Variants in CELSR2 observed in about 807,000 individuals in gnomAD.
CELSR2 encodes the protein EGF-like protein 2.
Under a neutral mutation model 251.6 loss-of-function variants are expected in CELSR2, and 81 were observed. The observed-to-expected ratio is 0.32, with a 90% CI of 0.27 to 0.39. CELSR2 has a LOEUF of 0.39. Ranked by LOEUF, CELSR2 falls within the 10% of genes least tolerant of loss-of-function variation. CELSR2 has a pLI of 1.00. For missense variants in CELSR2, 3,365 were observed against 3,947.7 expected (o/e 0.85, Z 3.96); for synonymous variants, 1,721 against 1,670.5 (o/e 1.03, Z -0.74).
At chr1:109,273,861 G>A in intron 33 of CELSR2, 161 bp from the exon 34 acceptor site, 2 of 1,135,612 alleles carry the variant, frequency 1.8e-6, no homozygotes, top group Non-Finnish European at 2.6e-6. Flanking sequence ...ACCCCTCCTA[G>A]GCTCTACGCG....
rs1428495064 is a variant in CELSR2 at position 109,267,885 on chromosome 1, A to G, written c.6143A>G (p.Asp2048Gly). 1.2e-6 allele frequency: 2 copies of G among 1,609,200 alleles called. No homozygotes were observed. Among genetic ancestry groups the G allele is most frequent in the African/African-American group, 1.3e-5 (1 of 74,904 alleles). The change falls in exon 17 of 34, where the codon GAC becomes GGC. Residue 2048 changes from aspartate to glycine, a missense_variant. By Grantham distance (94) the Asp-to-Gly change is moderately conservative. Coordinates refer to ENST00000271332, the MANE Select transcript of CELSR2 (RefSeq NM_001408.3). The stretch of plus-strand genomic sequence containing the variant: ...CTACAGCGGAATGAGTCAGGCCTAG[A>G]CTCAGGGCGCTCCCAGCAGCTAGCC... ...ERLQRNESGL[D>G]SGRSQQLALL...
chr1:109,262,169 A>G, intron 5 of CELSR2, 118 bp from the exon 6 acceptor site: 2 of 1,384,556 alleles, frequency 1.4e-6, no homozygotes, highest in Non-Finnish European at 9.9e-7. Context: ...GTGTATATGC[A>G]TGTGTGTACG....
At chr1:109,270,651 T>C in intron 24 of CELSR2, 51 bp downstream of exon 24, 3 of 1,590,222 alleles carry the variant, frequency 1.9e-6, no homozygotes, top group Non-Finnish European at 8.6e-7. Flanking sequence ...GGGTCCACCT[T>C]TGTGCCATGT....
Position 109,272,954 on chromosome 1 carries a change from C to T in CELSR2, c.8265C>T (p.Phe2755=), listed in dbSNP as rs1291806004. The part of the protein sequence containing the change: ...EEEEEEEEAA[F]PGEQGWDSLL... Reference sequence around the variant, plus strand: ...AGGAGGAGGAAGAGGAGGCCGCCTTCCCTGGAGAGCAGGGCTGGGATAGCC... The same window carrying T: ...AGGAGGAGGAAGAGGAGGCCGCCTTTCCTGGAGAGCAGGGCTGGGATAGCC... Residue 2755 remains phenylalanine, a synonymous_variant, in exon 31 of 34, where the codon TTC becomes TTT. Coordinates refer to ENST00000271332, the MANE Select transcript of CELSR2 (RefSeq NM_001408.3). 6.2e-7 allele frequency: 1 copy of T among 1,613,948 alleles called. No homozygotes were observed. Among genetic ancestry groups the T allele is most frequent in the African/African-American group, 1.3e-5 (1 of 74,938 alleles).
At chr1:109,255,130 C>G (rs1249375801) in intron 1 of CELSR2, among the ~76,000 whole-genome samples, 1 of 152,224 alleles carries the variant, frequency 6.6e-6, no homozygotes, top group East Asian at 1.9e-4. Context: ...CCCACCCTCT[C>G]CCTTCGGCCC....
chr1:109,265,225 C>T lies in CELSR2; in HGVS notation c.5641C>T (p.His1881Tyr), dbSNP rs536750848. Residue 1881 changes from histidine to tyrosine, a missense_variant, in exon 13 of 34, where the codon CAT becomes TAT. By Grantham distance (83) the His-to-Tyr change is moderately conservative (BLOSUM62 2). Coordinates refer to ENST00000271332, the MANE Select transcript of CELSR2 (RefSeq NM_001408.3). ...DQPCPRGWWG[H>Y]PTCGPCNCDV... ...GCCTTGTCCCCGTGGCTGGTGGGGACATCCCACATGTGGCCCATGCAACTG... is the reference window on the plus strand; with the variant it reads ...GCCTTGTCCCCGTGGCTGGTGGGGATATCCCACATGTGGCCCATGCAACTG... 9 of 1,611,746 alleles carry T rather than the reference C, an allele frequency of 5.6e-6. No individual in the cohort carries two copies. The African/African-American group carries it at 8.0e-5, about 14-fold the overall frequency.
Position 109,272,818 on chromosome 1 carries a change from T to C in CELSR2, c.8144-15T>C. The C allele has an allele frequency of 6.2e-7, 1 of 1,613,174 alleles. No homozygotes were observed. The highest frequency in any genetic ancestry group is 8.5e-7 in the Non-Finnish European group (1 of 1,179,358). ...AGGTGGCTGGGCTGGCTGTGATCTCTCCCTGGCCTCCTAGATCCTGACACG... is the reference window on the plus strand; with the variant it reads ...AGGTGGCTGGGCTGGCTGTGATCTCCCCCTGGCCTCCTAGATCCTGACACG... On this transcript the variant is annotated splice_polypyrimidine_tract_variant and intron_variant, in intron 30 of 33. Transcript: ENST00000271332.
chr1:109,258,355 T>G, intron 1 of CELSR2, 77 bp from the exon 2 acceptor site: 3 of 1,063,272 alleles, frequency 2.8e-6, no homozygotes, highest in Non-Finnish European at 4.0e-6. Context: ...AGGAGAGCCT[T>G]TCTTGGTGGG....
rs778270645 is a variant in CELSR2 at position 109,265,922 on chromosome 1, G to A, written c.5911+4G>A. ...GTCACCACCAATGGCTGTGAAGGTG[G>A]GGCTCCTGGGATGGGTGGGCAGCCC... On this transcript the variant is annotated splice_donor_region_variant and intron_variant, in intron 14 of 33. Coordinates refer to ENST00000271332, the MANE Select transcript of CELSR2 (RefSeq NM_001408.3). 3.1e-6 allele frequency: 5 copies of A among 1,608,828 alleles called. No individual in the cohort carries two copies. In the South Asian group the frequency reaches 5.5e-5, roughly 18 times the overall value.
chr1:109,261,681 C>A lies in CELSR2; in HGVS notation c.4297+53C>A. On this transcript the variant is annotated intron_variant, in intron 4 of 33. Transcript: ENST00000271332. This position sits in a 1 kb window ranked among gnomAD's most constrained non-coding sequence, Gnocchi z 4.8. ...CCATCTTCCAAAGGCCCCAAGTCTT[C>A]CAGCCCCTGACCCCAAGCCACATAC... is the stretch of plus-strand genomic sequence containing the variant. The A allele has an allele frequency of 6.4e-7, 1 of 1,573,576 alleles. No individual in the cohort carries two copies. Among genetic ancestry groups the A allele is most frequent in the Non-Finnish European group, 8.7e-7 (1 of 1,143,838 alleles).
rs1327784912 is a variant in CELSR2 at position 109,250,216 on chromosome 1, G to A, written c.137G>A (p.Gly46Asp). Residue 46 changes from glycine to aspartate, a missense_variant, in exon 1 of 34, where the codon GGC (glycine) becomes GAC (aspartate). By Grantham distance (94) the Gly-to-Asp change is moderately conservative. Coordinates refer to ENST00000271332, the MANE Select transcript of CELSR2 (RefSeq NM_001408.3). This position sits in a 1 kb window ranked among gnomAD's most constrained non-coding sequence, Gnocchi z 4.4. Reference protein sequence around the residue: ...PCRSLGSRGRGSSGACAPMGW... With the variant: ...PCRSLGSRGRDSSGACAPMGW... ...CGTTCCTTGGGGTCCAGGGGACGAG[G>A]CTCTTCGGGGGCCTGCGCCCCCATG... 1 of 1,601,226 alleles carries A rather than the reference G, an allele frequency of 6.2e-7. No individual in the cohort carries two copies.
chr1:109,258,458 T>C lies in CELSR2; in HGVS notation c.3337T>C (p.Cys1113Arg), dbSNP rs1405702087. 6.2e-7 allele frequency: 1 copy of C among 1,600,506 alleles called. No homozygotes were observed. Among genetic ancestry groups the C allele is most frequent in the Non-Finnish European group, 8.5e-7 (1 of 1,173,182 alleles). ...CGGCGTACACAGCGTGACCGCCCAG[T>C]GCGCGCTGCGTGTGACCATCATCAC... is the stretch of plus-strand genomic sequence containing the variant. ...SDGVHSVTAQ[C>R]ALRVTIITDE... The change falls in exon 2 of 34, where the codon TGC becomes CGC. Residue 1113 changes from cysteine to arginine, a missense_variant. Cys to Arg is a radical substitution (Grantham distance 180, BLOSUM62 -3). Around this residue, in one of 5 missense-constraint regions of CELSR2, gnomAD observed 505 missense variants for 660.0 expected, o/e 0.77. Transcript: ENST00000271332.
In CELSR2 at chr1:109,252,666, G is replaced by T; in HGVS notation, c.2587G>T (p.Asp863Tyr). Residue 863 changes from aspartate (D) to tyrosine (Y), a missense_variant, in exon 1 of 34, where the codon GAC (aspartate) becomes TAC (tyrosine). By Grantham distance (160) the Asp-to-Tyr change is radical. Around this residue, in one of 5 missense-constraint regions of CELSR2, gnomAD observed 505 missense variants for 660.0 expected, o/e 0.77. Transcript: ENST00000271332. The surrounding 1 kb of genome is among the most constrained non-coding windows in gnomAD (Gnocchi z 4.8). ...CCAAGGAGGCGACGATGGAGACGGTGACTTTATTGTTGAGTCCACGTCAGG... is the reference window on the plus strand; with the variant it reads ...CCAAGGAGGCGACGATGGAGACGGTTACTTTATTGTTGAGTCCACGTCAGG... ...TFQGGDDGDG[D>Y]FIVESTSGIV... 1 of 1,613,932 alleles carries T rather than the reference G, an allele frequency of 6.2e-7. No homozygotes were observed. Among genetic ancestry groups the T allele is most frequent in the Non-Finnish European group, 8.5e-7 (1 of 1,180,048 alleles).
chr1:109,264,432 A>G (rs201074713), intron 10 of CELSR2, 22 bp from the exon 11 acceptor site: 61 of 1,605,982 alleles, frequency 3.8e-5, no homozygotes, highest in Middle Eastern at 1.7e-4. Context: ...ACTGAGGGCA[A>G]CACTGCTCCT....
Position 109,261,694 on chromosome 1 carries a change from C to G in CELSR2, c.4297+66C>G. On this transcript the variant is annotated intron_variant, in intron 4 of 33. Transcript: ENST00000271332. The surrounding 1 kb of genome is among the most constrained non-coding windows in gnomAD (Gnocchi z 4.8). ...GCCCCAAGTCTTCCAGCCCCTGACC[C>G]CAAGCCACATACTCTATCAGCCAAA... The G allele has an allele frequency of 6.4e-7, 1 of 1,561,040 alleles. No homozygotes were observed. Among genetic ancestry groups the G allele is most frequent in the Admixed American group, 1.7e-5 (1 of 58,964 alleles).
chr1:109,273,605 C>G lies in CELSR2; in HGVS notation c.8679C>G (p.Asn2893Lys). The stretch of plus-strand genomic sequence containing the variant: ...GGCAGAGCCTCCAGGAGCAGCTGAA[C>G]GGGGTCATGCCCATCGCCATGAGCA... Reference protein sequence around the residue: ...PPRQSLQEQLNGVMPIAMSIK... With the variant: ...PPRQSLQEQLKGVMPIAMSIK... The change falls in exon 33 of 34, where the codon AAC (asparagine) becomes AAG (lysine). Residue 2893 changes from asparagine (N) to lysine (K), a missense_variant. By Grantham distance (94) the Asn-to-Lys change is moderately conservative. Transcript: ENST00000271332. 1 of 1,494,706 alleles carries G rather than the reference C, an allele frequency of 6.7e-7. No individual in the cohort carries two copies. The highest frequency in any genetic ancestry group is 9.0e-7 in the Non-Finnish European group (1 of 1,112,444). 92.6% of individuals were successfully genotyped at this position (1,494,706 alleles called of 1,614,324 possible).
chr1:109,258,419 T>A lies in CELSR2; in HGVS notation c.3311-13T>A. 2 of 1,549,750 alleles carry A rather than the reference T, an allele frequency of 1.3e-6. No homozygotes were observed. The highest frequency in any genetic ancestry group is 1.7e-6 in the Non-Finnish European group (2 of 1,143,548). ...AGCCCCAGGCTGGGTCCTGACTGTG[T>A]CCCTCTCCACAGACGGCGTACACAG... On this transcript the variant is annotated splice_polypyrimidine_tract_variant and intron_variant, in intron 1 of 33. Coordinates refer to ENST00000271332, the MANE Select transcript of CELSR2 (RefSeq NM_001408.3).
chr1:109,261,164 G>C lies in CELSR2; in HGVS notation c.4081G>C (p.Glu1361Gln). 1 of 1,614,142 alleles carries C rather than the reference G, an allele frequency of 6.2e-7. No individual in the cohort carries two copies. Among genetic ancestry groups the C allele is most frequent in the Non-Finnish European group, 8.5e-7 (1 of 1,180,022 alleles). ...FKCDCPSGDF[E>Q]KPYCQVTTRS... ...GTGCGATTGCCCATCTGGAGACTTC[G>C]AGAAGCCCTACTGCCAGGTGACCAC... is the stretch of plus-strand genomic sequence containing the variant. Residue 1361 changes from glutamate to glutamine, a missense_variant, in exon 3 of 34, where the codon GAG (glutamate) becomes CAG (glutamine). Physicochemically the swap from Glu to Gln is conservative, Grantham distance 29 (BLOSUM62 2). This residue lies in a region of CELSR2 where 2,093 missense variants were observed against 2,382.8 expected (regional missense o/e 0.88). Transcript: ENST00000271332. This position sits in a 1 kb window ranked among gnomAD's most constrained non-coding sequence, Gnocchi z 4.8.
rs1489257489 is a variant in CELSR2, at chr1:109,266,163, C to G, written c.5970C>G (p.Arg1990=). The G allele has an allele frequency of 5.6e-6, 9 of 1,614,164 alleles. No homozygotes were observed. The highest frequency in any genetic ancestry group is 8.5e-7 in the Non-Finnish European group (1 of 1,180,040). The stretch of plus-strand genomic sequence containing the variant: ...CTGGGATCTGGTGGCCCCGTACCCG[C>G]TTCGGGCTGCCTGCTGCTGCTCCCT... ...IEAGIWWPRT[R]FGLPAAAPCP... Residue 1990 remains arginine, a synonymous_variant, in exon 15 of 34, where the codon CGC becomes CGG. Coordinates refer to ENST00000271332, the MANE Select transcript of CELSR2 (RefSeq NM_001408.3).
Sources: allele counts gnomAD v4.1 joint callset (sites outside exome capture counted in the v4.1 genomes callset), GRCh38; gene constraint gnomAD v4.1.1; regional missense constraint gnomAD v4.1.1; non-coding constraint Gnocchi (gnomAD v3.1); transcripts MANE v1.5; gene names NCBI Gene and HGNC (gene_info 2026-07-23, HGNC 2026-07-21).